UQCC1: variants seen among roughly 807,000 people sequenced by gnomAD.
The protein encoded by UQCC1 is bFGF-repressed Zic-binding protein.
A neutral mutation model predicts 48.0 loss-of-function variants in UQCC1; 38 were observed. The ratio of observed to expected loss-of-function variants is 0.79; its 90% CI spans 0.61 to 1.04. The LOEUF is 1.04. Ranked by LOEUF, UQCC1 falls within the 50% of genes least tolerant of loss-of-function variation. UQCC1 has a pLI of 0.00. For synonymous variants in UQCC1, 111 were observed against 129.2 expected (o/e 0.86, Z 0.95); for missense variants, 368 against 381.8 (o/e 0.96, Z 0.30).
Position 35,394,121 on chromosome 20 carries a change from C to G in UQCC1, c.100G>C (p.Gly34Arg). ...LIPVSPTQGQ[G>R]DRALSRTSQW... ...GAAGTGCGAGACAGAGCCCTGTCCC[C>G]CTGTCCTTGGGTAGGAGACACAGGT... The change falls in exon 2 of 10, where the codon GGG (glycine) becomes CGG (arginine). Residue 34 changes from glycine to arginine, a missense_variant. By Grantham distance (125) the Gly-to-Arg change is moderately radical. Coordinates refer to ENST00000374385, the MANE Select transcript of UQCC1 (RefSeq NM_018244.5). 1.2e-6 allele frequency: 2 copies of G among 1,614,020 alleles called. No individual in the cohort carries two copies. The highest frequency in any genetic ancestry group is 1.7e-6 in the Non-Finnish European group (2 of 1,179,940).
Position 35,394,132 on chromosome 20 carries a change from G to T in UQCC1, c.89C>A (p.Thr30Asn), listed in dbSNP as rs193300674. 1.2e-6 allele frequency: 2 copies of T among 1,614,000 alleles called. No homozygotes were observed. Among genetic ancestry groups the T allele is most frequent in the Admixed American group, 1.7e-5 (1 of 59,996 alleles). Reference sequence around the variant, plus strand: ...CAGAGCCCTGTCCCCCTGTCCTTGGGTAGGAGACACAGGTATCAATCGGCT... The same window carrying T: ...CAGAGCCCTGTCCCCCTGTCCTTGGTTAGGAGACACAGGTATCAATCGGCT... The part of the protein sequence containing the change: ...VCSRLIPVSP[T>N]QGQGDRALSR... The change falls in exon 2 of 10, where the codon ACC (threonine) becomes AAC (asparagine). Residue 30 changes from threonine to asparagine, a missense_variant. Coordinates refer to ENST00000374385, the MANE Select transcript of UQCC1 (RefSeq NM_018244.5).
At chr20:35,320,465 A>AC (rs2061111191) in intron 7 of UQCC1, among the ~76,000 whole-genome samples, 1 of 152,100 alleles carries the variant, frequency 6.6e-6, no homozygotes, top group African/African-American at 2.4e-5. Flanking sequence ...CTGTGTTGGA[A>AC]TAGACACTGG....
chr20:35,404,976 C>T (rs1382917982), intron 1 of UQCC1, among the ~76,000 whole-genome samples: 1 of 152,160 alleles, frequency 6.6e-6, no homozygotes, highest in Non-Finnish European at 1.5e-5. Context: ...ATCTAGGAAG[C>T]CATGAACATA....
chr20:35,342,820 T>C (rs917288243), intron 7 of UQCC1, among the ~76,000 whole-genome samples: 1 of 152,256 alleles, frequency 6.6e-6, no homozygotes, highest in Non-Finnish European at 1.5e-5. Flanking sequence ...CAGAACACTC[T>C]AAATTATTGA....
In UQCC1 at chr20:35,398,764, G is replaced by C. The variant is rs1050749149; in HGVS notation, c.25-4568C>G. On this transcript the variant is annotated intron_variant, in intron 1 of 9. Coordinates refer to ENST00000374385, the MANE Select transcript of UQCC1 (RefSeq NM_018244.5). ...TTCAGGGCCAAAGGTGGGGGGGGGG[G>C]GGGGGCGGTGCAGGGGGAGCAAGAG... 4.4e-4 allele frequency among the ~76,000 whole-genome samples: 61 copies of C among 140,188 alleles called. 2 individuals are homozygous for C. The highest frequency in any genetic ancestry group is 7.9e-4 in the Non-Finnish European group (50 of 63,362). The allele number at this position is 140,188 out of a possible 152,430, so 92.0% of individuals were successfully genotyped here. A position where few individuals can be genotyped will look rare whatever the true frequency, so the allele number is the denominator to read the frequency against.
At chr20:35,373,263 C>T (rs1183174517) in intron 5 of UQCC1, among the ~76,000 whole-genome samples, 2 of 152,140 alleles carry the variant, frequency 1.3e-5, no homozygotes, top group African/African-American at 2.4e-5. Flanking sequence ...ATTATATATG[C>T]CTTTTGACCC....
At chr20:35,403,337 G>A (rs1258558023) in intron 1 of UQCC1, among the ~76,000 whole-genome samples, 1 of 152,134 alleles carries the variant, frequency 6.6e-6, no homozygotes, top group African/African-American at 2.4e-5. Context: ...GCATGTTTAT[G>A]TGTATATATA....
chr20:35,338,856 GAAAAAAAAAAAAAAAAAAAAAAAA>G (rs1172467457), intron 7 of UQCC1, among the ~76,000 whole-genome samples: 1 of 26,836 alleles, frequency 3.7e-5, no homozygotes, highest in African/African-American at 2.9e-4. Flanking sequence ...CGTCTCAAAA[GAAAAAAAAAAAAAAAAAAAAAAAA>G]AAAAAAAAAA....
intron 1 of UQCC1, among the ~76,000 whole-genome samples, chr20:35,402,666 G>A (rs2062184714): frequency 6.6e-6 from 1 of 151,866 alleles, no homozygotes; most frequent in African/African-American, 2.4e-5. Flanking sequence ...GGTGGCGCAT[G>A]CTGGTAATCC....
chr20:35,343,633 A>G (rs2061403845), intron 7 of UQCC1, among the ~76,000 whole-genome samples: 1 of 152,214 alleles, frequency 6.6e-6, no homozygotes, highest in South Asian at 2.1e-4. Context: ...CCAAATCTCT[A>G]TTATTTTAAA....
intron 2 of UQCC1, among the ~76,000 whole-genome samples, chr20:35,389,793 C>T (rs2061991573): frequency 6.6e-6 from 1 of 152,120 alleles, no homozygotes; most frequent in Non-Finnish European, 1.5e-5. Flanking sequence ...ACCATCAATG[C>T]AATTATCATA....
chr20:35,380,200 AT>A (rs763761003), intron 4 of UQCC1, among the ~76,000 whole-genome samples: 1 of 152,184 alleles, frequency 6.6e-6, no homozygotes, highest in Non-Finnish European at 1.5e-5. Context: ...TAAGCATAAC[AT>A]TTTTTTAATA....
chr20:35,408,825 A>G (rs1225609168), intron 1 of UQCC1, among the ~76,000 whole-genome samples: 1 of 152,140 alleles, frequency 6.6e-6, no homozygotes, highest in African/African-American at 2.4e-5. Context: ...ACTACACTTC[A>G]GCACGCATGA....
At chr20:35,304,185 G>A in intron 9 of UQCC1, 116 bp from the exon 10 acceptor site, 3 of 1,369,772 alleles carry the variant, frequency 2.2e-6, no homozygotes, top group East Asian at 2.4e-5. Flanking sequence ...CATGAGGGGG[G>A]CTTCTGACCA....
rs1449157656 is a variant in UQCC1, at chr20:35,347,245, T to G, written c.492A>C (p.Glu164Asp). The G allele has an allele frequency of 1.2e-6, 2 of 1,613,984 alleles. No homozygotes were observed. The highest frequency in any genetic ancestry group is 2.7e-5 in the African/African-American group (2 of 74,924). ...GACACATGTACTTCCCACTCCGGCC[T>G]TCCTGCTTCATTCGGACTAGACACA... Reference protein sequence around the residue: ...VWMCLVRMKQEGRSGKYMCRI... With the variant: ...VWMCLVRMKQDGRSGKYMCRI... The change falls in exon 7 of 10, where the codon GAA (glutamate) becomes GAC (aspartate). Residue 164 changes from glutamate (E) to aspartate (D), a missense_variant. Glu to Asp is a conservative substitution (Grantham distance 45). Coordinates refer to ENST00000374385, the MANE Select transcript of UQCC1 (RefSeq NM_018244.5).
intron 7 of UQCC1, among the ~76,000 whole-genome samples, chr20:35,335,674 G>A (rs895786996): frequency 3.3e-5 from 5 of 152,164 alleles, no homozygotes; most frequent in Admixed American, 3.3e-4. Flanking sequence ...AGGGGTAAGG[G>A]GAACGGGTGT....
intron 7 of UQCC1, among the ~76,000 whole-genome samples, chr20:35,319,284 A>G (rs560358069): frequency 6.6e-6 from 1 of 152,318 alleles, no homozygotes; most frequent in South Asian, 2.1e-4. Flanking sequence ...TACATAAACT[A>G]TGATGTCACC....
intron 1 of UQCC1, among the ~76,000 whole-genome samples, chr20:35,403,182 A>T (rs2062194042): frequency 6.6e-6 from 1 of 152,216 alleles, no homozygotes; most frequent in Non-Finnish European, 1.5e-5. Flanking sequence ...AAATCAATAA[A>T]TACATTAAGG....
At chr20:35,304,521 CTGAGATT>C in intron 9 of UQCC1, 1 of 184,414 alleles carries the variant, frequency 5.4e-6, no homozygotes, top group East Asian at 1.3e-4. Flanking sequence ...CTTCCCCTCT[CTGAGATT>C]TAAGTTCCCT....
Sources: allele counts gnomAD v4.1 joint callset (sites outside exome capture counted in the v4.1 genomes callset), GRCh38; gene constraint gnomAD v4.1.1; transcripts MANE v1.5; gene names NCBI Gene and HGNC (gene_info 2026-07-23, HGNC 2026-07-21).